The following BICC1 variants were observed in gnomAD, a reference collection of about 807,000 sequenced individuals.
BICC1 encodes BicC family RNA binding protein 1.
In BICC1, 43 loss-of-function variants were observed where a neutral mutation model predicts 111.0. The observed-to-expected ratio is 0.39, with a 90% confidence interval of 0.30 to 0.50. The LOEUF (loss-of-function observed/expected upper bound fraction) is 0.50, where lower values mean the gene tolerates loss of function less well. Among genes scored for constraint, BICC1 ranks in the 20% least tolerant of loss-of-function variants. The probability of loss-of-function intolerance (pLI) is 0.88; values close to 1 mark genes in which losing one functional copy is unlikely to be tolerated. For missense variants in BICC1, 1,091 were observed against 1,203.2 expected (o/e 0.91, Z 1.38); for synonymous variants, 467 against 434.4 (o/e 1.07, Z -0.93).
chr10:58,690,206 C>CTAA, intron 2 of BICC1, among the ~76,000 whole-genome samples: 1 of 152,312 alleles, frequency 6.6e-6, no homozygotes, highest in African/African-American at 2.4e-5. Flanking sequence ...GCAGTCGTGC[C>CTAA]CACCAAATAT....
chr10:58,672,697 G>A (rs953823153), intron 2 of BICC1, among the ~76,000 whole-genome samples: 1 of 152,116 alleles, frequency 6.6e-6, no homozygotes, highest in Non-Finnish European at 1.5e-5. Flanking sequence ...TCCCCGGTGG[G>A]AAATATAGTC....
intron 1 of BICC1, among the ~76,000 whole-genome samples, chr10:58,533,903 A>G (rs1232239538): frequency 3.3e-5 from 5 of 151,866 alleles, no homozygotes; most frequent in Non-Finnish European, 7.4e-5. Flanking sequence ...CAATTAAATG[A>G]TAATAGTAAG....
chr10:58,707,782 C>G (rs980010410), intron 3 of BICC1, among the ~76,000 whole-genome samples: 1 of 152,028 alleles, frequency 6.6e-6, no homozygotes, highest in Non-Finnish European at 1.5e-5. Flanking sequence ...ACCGCAACCT[C>G]CACCTCCTGG....
At chr10:58,814,392 G>A (rs1459499112) in intron 18 of BICC1, 1 of 448,886 alleles carries the variant, frequency 2.2e-6, no homozygotes, top group Non-Finnish European at 4.0e-6. Context: ...CTGACACCTA[G>A]TAGGTAGGTG....
At chr10:58,595,027 T>A (rs1256275129) in intron 1 of BICC1, among the ~76,000 whole-genome samples, 2 of 152,086 alleles carry the variant, frequency 1.3e-5, no homozygotes, top group Non-Finnish European at 2.9e-5. Flanking sequence ...GGGGGAATAT[T>A]TACCAAGCAA....
At chr10:58,750,683 A>G (rs1312797904) in intron 3 of BICC1, among the ~76,000 whole-genome samples, 6 of 152,180 alleles carry the variant, frequency 3.9e-5, no homozygotes, top group Admixed American at 1.3e-4. Context: ...GTTGGATATT[A>G]TACATAATGG....
At chr10:58,771,635 T>C (rs1842625395) in intron 3 of BICC1, among the ~76,000 whole-genome samples, 2 of 152,132 alleles carry the variant, frequency 1.3e-5, no homozygotes, top group Non-Finnish European at 2.9e-5. Flanking sequence ...CAGTATCCAG[T>C]GGTTTCAGGA....
chr10:58,816,725 C>T (rs1338149093), intron 18 of BICC1, among the ~76,000 whole-genome samples: 2 of 149,948 alleles, frequency 1.3e-5, no homozygotes, highest in Non-Finnish European at 3.0e-5. Context: ...AATGCCTGCA[C>T]TCTGCTGAAA....
chr10:58,766,240 A>G (rs956401112), intron 3 of BICC1, among the ~76,000 whole-genome samples: 3 of 152,290 alleles, frequency 2.0e-5, no homozygotes, highest in Admixed American at 1.3e-4. Context: ...GAACCACATT[A>G]AGGCCAAATC....
Position 58,663,217 on chromosome 10 carries a change from C to G in BICC1, c.238-38857C>G, listed in dbSNP as rs563705515. On this transcript the variant is annotated intron_variant, in intron 2 of 20. Transcript: ENST00000373886. Reference sequence around the variant, plus strand: ...GAGTAGCTGGGACTTCATGTTCATGCCACCATACCTGGCTAATTTTTTTAT... The same window carrying G: ...GAGTAGCTGGGACTTCATGTTCATGGCACCATACCTGGCTAATTTTTTTAT... Among the ~76,000 whole-genome samples the G allele has an allele frequency of 3.7e-4, 57 of 152,036 alleles. No homozygotes were observed. The South Asian group carries it at 5.8e-3, about 15-fold the overall frequency.
chr10:58,810,160 A>G (rs1421591955), intron 17 of BICC1, among the ~76,000 whole-genome samples: 4 of 152,216 alleles, frequency 2.6e-5, no homozygotes, highest in African/African-American at 9.6e-5. Flanking sequence ...TAGGAGCCCA[A>G]AAGGCTCTTC....
intron 2 of BICC1, among the ~76,000 whole-genome samples, chr10:58,645,348 A>G (rs1251306191): frequency 2.4e-5 from 3 of 124,404 alleles, no homozygotes; most frequent in Non-Finnish European, 1.6e-5. Context: ...CGGAGCTTGC[A>G]GTGAGCCGAG....
intron 3 of BICC1, among the ~76,000 whole-genome samples, chr10:58,714,546 G>GT (rs1840676909): frequency 6.6e-6 from 1 of 152,124 alleles, no homozygotes; most frequent in African/African-American, 2.4e-5. Flanking sequence ...TACCCTCCTG[G>GT]TTCATGTTGC....
intron 2 of BICC1, among the ~76,000 whole-genome samples, chr10:58,686,646 C>G (rs188818843): frequency 6.6e-6 from 1 of 152,098 alleles, no homozygotes; most frequent in African/African-American, 2.4e-5. Flanking sequence ...CCCTTTCTTA[C>G]CCTTGATCAA....
chr10:58,792,174 C>A (rs1843202078), intron 8 of BICC1, among the ~76,000 whole-genome samples: 1 of 151,778 alleles, frequency 6.6e-6, no homozygotes, highest in Admixed American at 6.6e-5. Flanking sequence ...AGTGGGCTAA[C>A]ACTGGAAATT....
intron 3 of BICC1, among the ~76,000 whole-genome samples, chr10:58,762,885 A>G (rs1474556009): frequency 6.6e-6 from 1 of 152,196 alleles, no homozygotes; most frequent in Admixed American, 6.5e-5. Context: ...TTTCATCGTA[A>G]CACAAAGGAG....
intron 1 of BICC1, among the ~76,000 whole-genome samples, chr10:58,553,711 C>CG (rs921827356): frequency 5.3e-5 from 8 of 151,158 alleles, no homozygotes; most frequent in Non-Finnish European, 1.2e-4. Flanking sequence ...GTTTTTTTTT[C>CG]GGGGGGGCTA....
intron 1 of BICC1, among the ~76,000 whole-genome samples, chr10:58,615,531 C>T (rs960709619): frequency 3.9e-5 from 6 of 152,344 alleles, no homozygotes; most frequent in Admixed American, 3.9e-4. Context: ...GCTGACACTA[C>T]ATGCAGCTTG....
At chr10:58,736,984 G>A (rs947097210) in intron 3 of BICC1, among the ~76,000 whole-genome samples, 7 of 151,796 alleles carry the variant, frequency 4.6e-5, no homozygotes, top group Non-Finnish European at 7.4e-5. Context: ...TTTCACAAAA[G>A]TATGCTTTAT....
Sources: gnomAD v4.1 joint callset for allele counts (sites outside exome capture counted in the v4.1 genomes callset) on GRCh38, gnomAD v4.1.1 for gene constraint, MANE v1.5 for transcripts, NCBI Gene and HGNC (gene_info 2026-07-23, HGNC 2026-07-21) for gene names.